DESI2: variants seen among roughly 807,000 people sequenced by gnomAD.
DESI2 encodes the protein deubiquitinase DESI2.
A neutral mutation model predicts 24.1 loss-of-function variants in DESI2; 10 were observed. The observed-to-expected ratio is 0.41, with a 90% CI of 0.26 to 0.70. The LOEUF (loss-of-function observed/expected upper bound fraction) is 0.70. Ranked by LOEUF, DESI2 falls within the 30% of genes least tolerant of loss-of-function variation. DESI2 has a pLI of 0.29. For missense variants in DESI2, 122 were observed against 234.9 expected (o/e 0.52, Z 3.14); for synonymous variants, 71 against 87.7 (o/e 0.81, Z 1.06).
At chr1:244,679,279 A>G (rs1676517011) in intron 1 of DESI2, among the ~76,000 whole-genome samples, 1 of 152,050 alleles carries the variant, frequency 6.6e-6, no homozygotes, top group Admixed American at 6.6e-5. Flanking sequence ...GAAAAGGGGG[A>G]GAAAGTAAGA....
chr1:244,705,504 C>G, intron 4 of DESI2, 52 bp from the exon 5 acceptor site: 2 of 1,494,020 alleles, frequency 1.3e-6, no homozygotes, highest in Non-Finnish European at 1.9e-6. Context: ...TGGCAGTGGA[C>G]CAGGTAATCT....
chr1:244,697,887 T>C (rs968378360), intron 4 of DESI2, among the ~76,000 whole-genome samples: 1 of 152,214 alleles, frequency 6.6e-6, no homozygotes, highest in African/African-American at 2.4e-5. Flanking sequence ...TTCTCAGGGC[T>C]GGAGCAAAGT....
At chr1:244,692,087 C>T in intron 4 of DESI2, 67 bp downstream of exon 4, 1 of 1,311,360 alleles carries the variant, frequency 7.6e-7, no homozygotes, top group Admixed American at 2.5e-5. Flanking sequence ...CTTGATATCC[C>T]ACTATATTCG....
At chr1:244,688,508 C>T (rs1002041066) in intron 2 of DESI2, among the ~76,000 whole-genome samples, 4 of 152,218 alleles carry the variant, frequency 2.6e-5, no homozygotes, top group Admixed American at 2.0e-4. Flanking sequence ...GTTTGGAATT[C>T]TTTAAATTTG....
At chr1:244,697,651 C>G (rs1677273794) in intron 4 of DESI2, among the ~76,000 whole-genome samples, 1 of 152,046 alleles carries the variant, frequency 6.6e-6, no homozygotes, top group Non-Finnish European at 1.5e-5. Context: ...GATCCAACTC[C>G]AGGAGAACTG....
intron 4 of DESI2, among the ~76,000 whole-genome samples, chr1:244,693,836 G>T (rs537190450): frequency 6.6e-6 from 1 of 152,318 alleles, no homozygotes; most frequent in African/African-American, 2.4e-5. Context: ...GATAGTGAGG[G>T]ATAAGGAGCT....
intron 1 of DESI2, among the ~76,000 whole-genome samples, chr1:244,661,744 A>G (rs1334584737): frequency 6.6e-6 from 1 of 152,106 alleles, no homozygotes; most frequent in Non-Finnish European, 1.5e-5. Context: ...TGAACTCATC[A>G]TTTTTTATGG....
chr1:244,676,665 G>A (rs752982797), intron 1 of DESI2, among the ~76,000 whole-genome samples: 7 of 151,318 alleles, frequency 4.6e-5, no homozygotes, highest in African/African-American at 7.3e-5. Context: ...GTCTTTCACC[G>A]TTAAGTATGA....
At chr1:244,700,495 T>G (rs1227113788) in intron 4 of DESI2, among the ~76,000 whole-genome samples, 2 of 152,180 alleles carry the variant, frequency 1.3e-5, no homozygotes, top group African/African-American at 2.4e-5. Context: ...TGACAAGATA[T>G]TCCAGGCTCA....
chr1:244,686,266 A>ATG (rs71574695), intron 1 of DESI2, among the ~76,000 whole-genome samples: 2,399 of 145,508 alleles, frequency 0.016, 53 homozygotes, highest in African/African-American at 0.054. Context: ...GTGTGTGTGT[A>ATG]TGTGTGTGTG....
intron 1 of DESI2, 163 bp downstream of exon 1, chr1:244,653,518 A>C: frequency 4.6e-6 from 3 of 650,284 alleles, no homozygotes; most frequent in Non-Finnish European, 7.3e-6. Flanking sequence ...TTATTTTTTA[A>C]TCCTCGCACT....
intron 1 of DESI2, among the ~76,000 whole-genome samples, chr1:244,657,907 G>A (rs954349534): frequency 1.3e-5 from 2 of 152,212 alleles, no homozygotes; most frequent in South Asian, 2.1e-4. Context: ...ATTGGCTCGT[G>A]TGCAACTGTG....
At chr1:244,696,991 G>A (rs1677240373) in intron 4 of DESI2, among the ~76,000 whole-genome samples, 1 of 152,166 alleles carries the variant, frequency 6.6e-6, no homozygotes, top group South Asian at 2.1e-4. Flanking sequence ...TTGCTGGGGG[G>A]ATTAAGCATG....
At chr1:244,674,029 C>G (rs1000373163) in intron 1 of DESI2, among the ~76,000 whole-genome samples, 11 of 113,556 alleles carry the variant, frequency 9.7e-5, no homozygotes, top group African/African-American at 3.4e-4. Context: ...GAGTCTTGCT[C>G]TGTTGCCCAG....
intron 1 of DESI2, among the ~76,000 whole-genome samples, chr1:244,679,142 A>C (rs1676512333): frequency 6.6e-6 from 1 of 152,072 alleles, no homozygotes; most frequent in South Asian, 2.1e-4. Context: ...GGGCTCAGGT[A>C]ATCAATCCTC....
chr1:244,657,853 A>G (rs1383187696), intron 1 of DESI2, among the ~76,000 whole-genome samples: 1 of 152,218 alleles, frequency 6.6e-6, no homozygotes, highest in East Asian at 1.9e-4. Context: ...TAGAAAGGAA[A>G]AACTTACCAG....
intron 4 of DESI2, among the ~76,000 whole-genome samples, chr1:244,703,618 A>G (rs1471215662): frequency 6.6e-6 from 1 of 151,034 alleles, no homozygotes; most frequent in Non-Finnish European, 1.5e-5. Flanking sequence ...TCCAAAGTAC[A>G]GAGATTACAG....
chr1:244,696,810 C>T (rs181526951), intron 4 of DESI2, among the ~76,000 whole-genome samples: 1 of 152,280 alleles, frequency 6.6e-6, no homozygotes, highest in African/African-American at 2.4e-5. Context: ...GCTCCCTTTG[C>T]CTAACCTGTT....
intron 1 of DESI2, among the ~76,000 whole-genome samples, chr1:244,665,952 C>T (rs1335828204): frequency 2.0e-5 from 3 of 151,766 alleles, no homozygotes; most frequent in Non-Finnish European, 4.4e-5. Context: ...AATCAGCTCA[C>T]CATCTACACC....
Sources: allele counts gnomAD v4.1 joint callset (sites outside exome capture counted in the v4.1 genomes callset), GRCh38; gene constraint gnomAD v4.1.1; transcripts MANE v1.5; gene names NCBI Gene and HGNC (gene_info 2026-07-23, HGNC 2026-07-21).